The following TMX4 variants were observed in gnomAD, a reference collection of about 807,000 sequenced individuals.
TMX4 encodes thioredoxin-related transmembrane protein 4.
Under a neutral mutation model 33.3 loss-of-function variants are expected in TMX4, and 23 were observed. The ratio of observed to expected loss-of-function variants is 0.69; its 90% CI spans 0.50 to 0.98. The LOEUF is 0.98. Among genes scored for constraint, TMX4 ranks in the 50% least tolerant of loss-of-function variants. TMX4 has a pLI of 0.00. For missense variants in TMX4, 399 were observed against 448.9 expected, an observed-to-expected ratio of 0.89 and a Z score of 1.01; for synonymous variants, 164 against 161.5, an observed-to-expected ratio of 1.02 and a Z score of -0.12.
At chr20:8,009,646 A>G (rs181948884) in intron 2 of TMX4, among the ~76,000 whole-genome samples, 22 of 152,222 alleles carry the variant, frequency 1.4e-4, no homozygotes, top group Admixed American at 1.1e-3. Flanking sequence ...CATGCACCTA[A>G]ACTCTCAGTT....
rs1317588206 is a variant in TMX4 at position 7,982,284 on chromosome 20, C to G, written c.1017G>C (p.Gln339His). Residue 339 changes from glutamine (Q) to histidine (H), a missense_variant, in exon 8 of 8, where the codon CAG becomes CAC. Coordinates refer to ENST00000246024, the MANE Select transcript of TMX4 (RefSeq NM_021156.4). ...CCTTGTCAGCATGCTGACTTTTACG[C>G]TGCCTCAAGGAGTCTTCCACCACCT... Reference protein sequence around the residue: ...DTEVVEDSLRQRKSQHADKGL With the variant: ...DTEVVEDSLRHRKSQHADKGL 1 of 1,614,014 alleles carries G rather than the reference C, an allele frequency of 6.2e-7. No homozygotes were observed. Among genetic ancestry groups the G allele is most frequent in the African/African-American group, 1.3e-5 (1 of 75,032 alleles).
chr20:8,002,157 C>T (rs2050710116), intron 2 of TMX4, among the ~76,000 whole-genome samples: 1 of 152,074 alleles, frequency 6.6e-6, no homozygotes, highest in South Asian at 2.1e-4. Context: ...CTTTACTGAA[C>T]ACTAAGTACA....
intron 5 of TMX4, among the ~76,000 whole-genome samples, chr20:7,988,976 C>T (rs1035001784): frequency 1.3e-5 from 2 of 150,882 alleles, no homozygotes; most frequent in African/African-American, 2.4e-5. Context: ...GCTGAGATTG[C>T]GCCACTGCAC....
intron 2 of TMX4, among the ~76,000 whole-genome samples, chr20:8,001,993 T>C (rs1426148457): frequency 6.6e-6 from 1 of 152,148 alleles, no homozygotes; most frequent in Non-Finnish European, 1.5e-5. Flanking sequence ...CAACAAACTA[T>C]AGGTATGATT....
intron 1 of TMX4, among the ~76,000 whole-genome samples, chr20:8,015,778 T>C (rs1019953019): frequency 1.3e-5 from 2 of 152,200 alleles, no homozygotes; most frequent in South Asian, 2.1e-4. Context: ...AACCTAGATG[T>C]CCTATGGAAA....
intron 3 of TMX4, among the ~76,000 whole-genome samples, 172 bp from the exon 4 acceptor site, chr20:8,000,032 T>G (rs1046098244): frequency 6.6e-6 from 1 of 152,166 alleles, no homozygotes; most frequent in Admixed American, 6.5e-5. Flanking sequence ...AGCTTTACTA[T>G]AAGTGAGAAA....
chr20:7,989,982 T>C (rs1478385018), intron 5 of TMX4, among the ~76,000 whole-genome samples: 3 of 152,106 alleles, frequency 2.0e-5, no homozygotes, highest in Non-Finnish European at 4.4e-5. Flanking sequence ...CCTTATACTA[T>C]GGTACTAGAT....
At chr20:7,999,172 A>T (rs537027409) in intron 4 of TMX4, among the ~76,000 whole-genome samples, 1 of 152,314 alleles carries the variant, frequency 6.6e-6, no homozygotes, top group South Asian at 2.1e-4. Flanking sequence ...TTATCTATAT[A>T]TATGACAATC....
At chr20:7,988,878 C>T (rs2050641609) in intron 5 of TMX4, among the ~76,000 whole-genome samples, 1 of 152,118 alleles carries the variant, frequency 6.6e-6, no homozygotes, top group Non-Finnish European at 1.5e-5. Flanking sequence ...CAAAAATCAG[C>T]TGGGCGTAGT....
At position 8,019,722 on chromosome 20, in the gene TMX4, C is replaced by T. The variant is rs114499858; in HGVS notation, c.-109G>A. ...TTCAAGGAAGCGGGAGACGCAAGGG[C>T]CACCCCGCCTACGCCTAGCGGCGCA... On this transcript the variant is annotated 5_prime_UTR_variant, in exon 1 of 8. Coordinates refer to ENST00000246024, the MANE Select transcript of TMX4 (RefSeq NM_021156.4). 0.017 allele frequency: 16,536 copies of T among 978,246 alleles called. 172 individuals carry two copies. The highest frequency in any genetic ancestry group is 0.031 in the Middle Eastern group (86 of 2,798). The allele number at this position is 978,246 out of a possible 1,614,324, so 60.6% of individuals were successfully genotyped here.
rs1052740511 is a variant in TMX4, at chr20:7,987,380, T to A, written c.523A>T (p.Asn175Tyr). Residue 175 changes from asparagine to tyrosine, a missense_variant, in exon 6 of 8, where the codon AAC becomes TAC. Coordinates refer to ENST00000246024, the MANE Select transcript of TMX4 (RefSeq NM_021156.4). ...ATTCCAAGAGTCACTGTGAAATAGT[T>A]GTGAAGATGCTGGAATCAGAAGAAA... ...SISGKIWHLH[N>Y]YFTVTLGIPA... is the part of the protein sequence containing the mutation. 7 of 1,577,326 alleles carry A rather than the reference T, an allele frequency of 4.4e-6. No homozygotes were observed. The African/African-American group carries it at 9.7e-5, about 22-fold the overall frequency.
At chr20:8,010,388 T>A in intron 1 of TMX4, 73 bp from the exon 2 acceptor site, 2 of 928,800 alleles carry the variant, frequency 2.2e-6, no homozygotes, top group Non-Finnish European at 3.0e-6. Context: ...ATCGAGTATT[T>A]AAATTAAAAA....
At position 7,980,737 on chromosome 20, in the gene TMX4, ACCT is replaced by A. The variant is rs1291123698; in HGVS notation, c.*1511_*1513del. Reference sequence around the variant, plus strand: ...AAAAGTTGATGCTGTCAGAAGAATAACCTCCTTTGTGCAAGTCTTGCAACATCT... The same window carrying A: ...AAAAGTTGATGCTGTCAGAAGAATAACCTTTGTGCAAGTCTTGCAACATCT... On this transcript the variant is annotated 3_prime_UTR_variant, in exon 8 of 8. Coordinates refer to ENST00000246024, the MANE Select transcript of TMX4 (RefSeq NM_021156.4). 1 of 152,176 alleles carries A rather than the reference ACCT, an allele frequency of 6.6e-6. No homozygotes were observed. The highest frequency in any genetic ancestry group is 2.4e-5 in the African/African-American group (1 of 41,446). The allele number at this position is 152,176 out of a possible 1,614,324, so 9.4% of individuals were successfully genotyped here.
At chr20:8,018,561 C>T (rs1315743721) in intron 1 of TMX4, among the ~76,000 whole-genome samples, 1 of 134,152 alleles carries the variant, frequency 7.5e-6, no homozygotes. Context: ...CTCTCAAGCC[C>T]GCTCAGACAT....
At position 7,979,480 on chromosome 20, in the gene TMX4, C is replaced by T. The variant is rs1418442875; in HGVS notation, c.*2771G>A. 1 of 152,014 alleles carries T rather than the reference C, an allele frequency of 6.6e-6. No individual in the cohort carries two copies. Among genetic ancestry groups the T allele is most frequent in the African/African-American group, 2.4e-5 (1 of 41,396 alleles). 9.4% of individuals were successfully genotyped at this position (152,014 alleles called of 1,614,324 possible). A position where few individuals can be genotyped will look rare whatever the true frequency, so the allele number is the denominator to read the frequency against. On this transcript the variant is annotated 3_prime_UTR_variant, in exon 8 of 8. Transcript: ENST00000246024. ...TTCTGCCAGGTACGGTGGCTCACAC[C>T]TGTAATCCCAGCACGTTGGGAGGCT... is the stretch of plus-strand genomic sequence containing the variant.
At chr20:8,007,743 T>G (rs1289543565) in intron 2 of TMX4, among the ~76,000 whole-genome samples, 1 of 152,224 alleles carries the variant, frequency 6.6e-6, no homozygotes, top group East Asian at 1.9e-4. Flanking sequence ...TGAAATTTAC[T>G]TCCTCAATTT....
rs190022470 is a variant in TMX4 at position 7,981,836 on chromosome 20, C to T, written c.*415G>A. 1.4e-3 allele frequency: 226 copies of T among 162,710 alleles called. 3 individuals are homozygous for T. Among genetic ancestry groups the T allele is most frequent in the Admixed American group, 5.0e-3 (84 of 16,654 alleles). 10.1% of individuals were successfully genotyped at this position (162,710 alleles called of 1,614,324 possible). On this transcript the variant is annotated 3_prime_UTR_variant, in exon 8 of 8. Transcript: ENST00000246024. The stretch of plus-strand genomic sequence containing the variant: ...ATTTGACAAAAATAAATACTTTACA[C>T]AAGAAAAGGATGCAAGGCTTCTACG...
intron 1 of TMX4, among the ~76,000 whole-genome samples, chr20:8,016,915 T>C (rs1204035014): frequency 6.6e-6 from 1 of 152,188 alleles, no homozygotes; most frequent in Non-Finnish European, 1.5e-5. Context: ...CATTTATGTA[T>C]GACCAGCTCA....
intron 2 of TMX4, among the ~76,000 whole-genome samples, chr20:8,002,083 T>G (rs1318553880): frequency 6.6e-6 from 1 of 152,204 alleles, no homozygotes; most frequent in Admixed American, 6.5e-5. Flanking sequence ...TTATAAAATC[T>G]GTAAGTACCG....
Sources: gnomAD v4.1 joint callset for allele counts (sites outside exome capture counted in the v4.1 genomes callset) on GRCh38, gnomAD v4.1.1 for gene constraint, MANE v1.5 for transcripts, NCBI Gene and HGNC (gene_info 2026-07-23, HGNC 2026-07-21) for gene names.